The following PALM2AKAP2 variants were observed in gnomAD, a reference collection of about 807,000 sequenced individuals.
PALM2AKAP2 encodes the protein PALM2 and AKAP2 fusion.
PALM2AKAP2 carries 37 observed loss-of-function variants against 71.5 expected under a neutral mutation model. That is an observed-to-expected ratio of 0.52 (90% CI 0.40 to 0.68). The LOEUF (loss-of-function observed/expected upper bound fraction) is 0.68. Ranked by LOEUF, PALM2AKAP2 falls within the 30% of genes least tolerant of loss-of-function variation. PALM2AKAP2 has a pLI of 0.00. For missense variants in PALM2AKAP2, 1,224 were observed against 1,191.8 expected, an observed-to-expected ratio of 1.03 and a Z score of -0.40; for synonymous variants, 468 against 478.8, an observed-to-expected ratio of 0.98 and a Z score of 0.29.
rs569438174 is a variant in PALM2AKAP2 at position 109,676,453 on chromosome 9, T to C, written c.5+35587T>C. Among the ~76,000 whole-genome samples, 9 of 152,324 alleles carry C rather than the reference T, an allele frequency of 5.9e-5. No homozygotes were observed. The South Asian group carries it at 1.9e-3, about 32-fold the overall frequency. ...ATGAAATATGATTACTTCAGTTTTGTATATACTGTGTTTTACTGCAATCAT... is the reference window on the plus strand; with the variant it reads ...ATGAAATATGATTACTTCAGTTTTGCATATACTGTGTTTTACTGCAATCAT... On this transcript the variant is annotated intron_variant, in intron 1 of 6. Transcript: ENST00000374531.
chr9:109,816,882 C>T (rs1827867260), intron 1 of PALM2AKAP2, among the ~76,000 whole-genome samples: 1 of 152,212 alleles, frequency 6.6e-6, no homozygotes, highest in African/African-American at 2.4e-5. Context: ...CTAATGCCAT[C>T]TGGCTTAAGA....
intron 6 of PALM2AKAP2, chr9:109,942,850 G>A (rs1831408893): frequency 1.2e-6 from 2 of 1,614,156 alleles, no homozygotes; most frequent in Non-Finnish European, 1.7e-6. Context: ...AGGCACCGTA[G>A]TAGAAAATGG....
At chr9:110,117,965 A>G (rs200674322) in intron 1 of PALM2AKAP2, among the ~76,000 whole-genome samples, 2 of 109,972 alleles carry the variant, frequency 1.8e-5, no homozygotes, top group African/African-American at 8.4e-5. Flanking sequence ...ATATATATAT[A>G]TGTCGTTTTG....
intron 1 of PALM2AKAP2, among the ~76,000 whole-genome samples, chr9:110,104,231 A>T (rs769645118): frequency 2.6e-5 from 4 of 152,150 alleles, no homozygotes; most frequent in South Asian, 2.1e-4. Flanking sequence ...TCTGGTCGCA[A>T]ACTGGATTCT....
At chr9:110,132,531 T>A (rs1835758173) in intron 1 of PALM2AKAP2, among the ~76,000 whole-genome samples, 1 of 152,014 alleles carries the variant, frequency 6.6e-6, no homozygotes, top group African/African-American at 2.4e-5. Context: ...GGTTTCACCA[T>A]GTTGGTCAGG....
At chr9:109,887,973 T>A (rs1393285882) in intron 3 of PALM2AKAP2, among the ~76,000 whole-genome samples, 1 of 152,210 alleles carries the variant, frequency 6.6e-6, no homozygotes, top group African/African-American at 2.4e-5. Context: ...AGACGCACCA[T>A]GACTCTGGAG....
chr9:109,921,470 A>G (rs1272033275), intron 3 of PALM2AKAP2, among the ~76,000 whole-genome samples: 1 of 152,240 alleles, frequency 6.6e-6, no homozygotes, highest in Middle Eastern at 3.2e-3. Context: ...ATTGCTGAAT[A>G]TCCCCTGAGG....
intron 1 of PALM2AKAP2, among the ~76,000 whole-genome samples, chr9:110,088,194 T>C (rs1247497340): frequency 6.6e-6 from 1 of 151,764 alleles, no homozygotes; most frequent in Non-Finnish European, 1.5e-5. Context: ...TTGTCTGGGG[T>C]TTAAATACCC....
chr9:109,763,312 T>A (rs1829089976), intron 1 of PALM2AKAP2, among the ~76,000 whole-genome samples: 1 of 152,062 alleles, frequency 6.6e-6, no homozygotes, highest in Non-Finnish European at 1.5e-5. Flanking sequence ...TCTGCCCTTT[T>A]CTCTCCATCT....
intron 1 of PALM2AKAP2, among the ~76,000 whole-genome samples, chr9:109,736,516 A>T (rs1446022491): frequency 6.6e-6 from 1 of 152,208 alleles, no homozygotes; most frequent in South Asian, 2.1e-4. Context: ...GCCTTGACGT[A>T]GAGCCATTTT....
chr9:110,046,695 C>A (rs916859490), upstream of PALM2AKAP2, among the ~76,000 whole-genome samples: 2 of 151,986 alleles, frequency 1.3e-5, no homozygotes, highest in Non-Finnish European at 2.9e-5. Context: ...CTCAAACTCC[C>A]GACCTCAGAT....
At chr9:109,794,771 C>T (rs367835685) in intron 1 of PALM2AKAP2, among the ~76,000 whole-genome samples, 5 of 152,312 alleles carry the variant, frequency 3.3e-5, no homozygotes, top group East Asian at 1.9e-4. Flanking sequence ...CTGGAAATTT[C>T]CAAAGGGACT....
intron 6 of PALM2AKAP2, among the ~76,000 whole-genome samples, chr9:109,959,607 T>A (rs1831816438): frequency 6.9e-6 from 1 of 144,212 alleles, no homozygotes; most frequent in South Asian, 2.2e-4. Context: ...ATCACGCCAC[T>A]GCACTCCAGC....
At chr9:109,909,702 AAAAGTCC>A (rs1434110778) in intron 3 of PALM2AKAP2, among the ~76,000 whole-genome samples, 1 of 152,226 alleles carries the variant, frequency 6.6e-6, no homozygotes, top group Non-Finnish European at 1.5e-5. Context: ...CCTTCATGGG[AAAAGTCC>A]AAAGAAGACT....
rs1399952600 is a variant in PALM2AKAP2 at position 110,138,393 on chromosome 9, T to C, written c.2423T>C (p.Leu808Ser). 7 of 1,614,086 alleles carry C rather than the reference T, an allele frequency of 4.3e-6. No homozygotes were observed. Among genetic ancestry groups the C allele is most frequent in the Non-Finnish European group, 5.9e-6 (7 of 1,180,046 alleles). Reference sequence around the variant, plus strand: ...CTGAGGTCCAGGAAACAGCGGACTTTGTCCATGATTGAGGAAGAGATCCGA... The same window carrying C: ...CTGAGGTCCAGGAAACAGCGGACTTCGTCCATGATTGAGGAAGAGATCCGA... Residue 808 changes from leucine to serine, a missense_variant, in exon 2 of 4, where the codon TTG becomes TCG. Leu to Ser is a moderately radical substitution (Grantham distance 145). Coordinates refer to ENST00000374525, the Ensembl canonical transcript of PALM2AKAP2.
intron 1 of PALM2AKAP2, among the ~76,000 whole-genome samples, chr9:109,682,124 A>T (rs1827744397): frequency 1.3e-5 from 2 of 152,176 alleles, no homozygotes; most frequent in Admixed American, 1.3e-4. Flanking sequence ...ACCAGTCAAG[A>T]CCAATTAAGG....
At chr9:109,963,993 A>G (rs571689787) in intron 6 of PALM2AKAP2, among the ~76,000 whole-genome samples, 2 of 152,350 alleles carry the variant, frequency 1.3e-5, no homozygotes, top group African/African-American at 2.4e-5. Flanking sequence ...GCTCTGCACC[A>G]CCAAATCTCA....
At chr9:110,007,035 G>A (rs1178835892) in intron 6 of PALM2AKAP2, among the ~76,000 whole-genome samples, 1 of 152,180 alleles carries the variant, frequency 6.6e-6, no homozygotes, top group East Asian at 1.9e-4. Flanking sequence ...GTTCAGCTTT[G>A]GTGAGGGGTA....
chr9:109,675,257 G>A (rs1021035662), intron 1 of PALM2AKAP2, among the ~76,000 whole-genome samples: 1 of 152,104 alleles, frequency 6.6e-6, no homozygotes, highest in Non-Finnish European at 1.5e-5. Context: ...TTTGGTGGGT[G>A]AATGCAAGCC....
Sources: allele counts gnomAD v4.1 joint callset (sites outside exome capture counted in the v4.1 genomes callset), GRCh38; gene constraint gnomAD v4.1.1; transcripts MANE v1.5; gene names NCBI Gene and HGNC (gene_info 2026-07-23, HGNC 2026-07-21).